DDX18: variants seen among roughly 807,000 people sequenced by gnomAD.
DDX18 encodes the protein ATP-dependent RNA helicase DDX18.
A neutral mutation model predicts 73.5 loss-of-function variants in DDX18; 23 were observed. That is an observed-to-expected ratio of 0.31 (90% CI 0.23 to 0.44). The LOEUF is 0.44. Among genes scored for constraint, DDX18 ranks in the 20% least tolerant of loss-of-function variants. The pLI is 1.00. For missense variants in DDX18, 753 were observed against 792.9 expected, an observed-to-expected ratio of 0.95 and a Z score of 0.60; for synonymous variants, 268 against 282.7, an observed-to-expected ratio of 0.95 and a Z score of 0.52.
rs763728238 is a variant in DDX18 at position 117,821,620 on chromosome 2, G to A, written c.651-30G>A. On this transcript the variant is annotated intron_variant, in intron 4 of 13. Coordinates refer to ENST00000263239, the MANE Select transcript of DDX18 (RefSeq NM_006773.4). ...TACGTCGTAAATGAGTAGGCTAAAT[G>A]TCTTTCTCCTTTCCCTTTTTAATAT... is the stretch of plus-strand genomic sequence containing the variant. 6 of 1,611,732 alleles carry A rather than the reference G, an allele frequency of 3.7e-6. No individual in the cohort carries two copies. In the South Asian group the frequency reaches 5.5e-5, roughly 15 times the overall value.
At chr2:117,829,242 TTTTG>T (rs1679981388) in intron 12 of DDX18, 43 bp from the exon 13 acceptor site, 2 of 1,536,224 alleles carry the variant, frequency 1.3e-6, no homozygotes, top group Non-Finnish European at 1.7e-6. Context: ...TTTTGGAGGT[TTTTG>T]TTTGTTTTTG....
intron 10 of DDX18, 105 bp downstream of exon 10, chr2:117,825,704 C>G (rs1679914829): frequency 7.4e-7 from 1 of 1,351,668 alleles, no homozygotes; most frequent in Admixed American, 2.0e-5. Context: ...AGGTAAAGAT[C>G]CCTACTATAC....
rs990814479 is a variant in DDX18, at chr2:117,817,367, T to C, written c.86-77T>C. ...AATTTGTGTCAGGAAGCCATGGAAGTTCTCATTTGGGATTTCAGTGTTTCT... is the reference window on the plus strand; with the variant it reads ...AATTTGTGTCAGGAAGCCATGGAAGCTCTCATTTGGGATTTCAGTGTTTCT... On this transcript the variant is annotated intron_variant, in intron 1 of 13. Transcript: ENST00000263239. 7.4e-6 allele frequency: 10 copies of C among 1,358,144 alleles called. No individual in the cohort carries two copies. In the African/African-American group the frequency reaches 1.2e-4, roughly 16 times the overall value. The allele number at this position is 1,358,144 out of a possible 1,614,324, so 84.1% of individuals were successfully genotyped here. A position where few individuals can be genotyped will look rare whatever the true frequency, so the allele number is the denominator to read the frequency against.
intron 5 of DDX18, 43 bp downstream of exon 5, chr2:117,821,793 G>A (rs950699328): frequency 6.2e-7 from 1 of 1,613,306 alleles, no homozygotes; most frequent in Admixed American, 1.7e-5. Context: ...TTCACTAGAG[G>A]TTTATTGTAG....
At chr2:117,824,117 C>T (rs1051527008) in intron 7 of DDX18, among the ~76,000 whole-genome samples, 1 of 152,142 alleles carries the variant, frequency 6.6e-6, no homozygotes, top group Non-Finnish European at 1.5e-5. Flanking sequence ...CTTGTCATGT[C>T]ATGTCAGGTT....
chr2:117,828,721 G>C (rs1679973882), intron 11 of DDX18: 2 of 510,466 alleles, frequency 3.9e-6, no homozygotes, highest in East Asian at 6.5e-5. Flanking sequence ...TTTACTGACT[G>C]TGTCCCTATC....
intron 11 of DDX18, chr2:117,827,333 C>A (rs1284142329): frequency 6.6e-6 from 1 of 152,110 alleles, no homozygotes; most frequent in African/African-American, 2.4e-5. Flanking sequence ...TTCTTTCTTT[C>A]TTTCTTTTTT....
intron 3 of DDX18, 71 bp from the exon 4 acceptor site, chr2:117,821,090 T>C (rs1679839269): frequency 1.4e-6 from 2 of 1,413,454 alleles, no homozygotes; most frequent in Non-Finnish European, 1.9e-6. Context: ...CAAAATAGAT[T>C]TAGGCAACTG....
At chr2:117,820,388 A>T (rs1679826910) in intron 3 of DDX18, among the ~76,000 whole-genome samples, 1 of 152,196 alleles carries the variant, frequency 6.6e-6, no homozygotes, top group Admixed American at 6.5e-5. Flanking sequence ...TAGCACTGAA[A>T]GTTCTGAATC....
Position 117,825,543 on chromosome 2 carries a change from C to G in DDX18, c.1465C>G (p.Leu489Val). Residue 489 changes from leucine to valine, a missense_variant, in exon 10 of 14, where the codon CTA becomes GTA. Physicochemically the swap from Leu to Val is conservative, Grantham distance 32 (BLOSUM62 1). Around this residue, in one of 3 missense-constraint regions of DDX18, gnomAD observed 402 missense variants for 419.4 expected, o/e 0.96. Coordinates refer to ENST00000263239, the MANE Select transcript of DDX18 (RefSeq NM_006773.4). ...GTGTACGGATGTGGCAGCGAGAGGA[C>G]TAGACATTCCTGAAGTCGACTGGAT... ...LLCTDVAARG[L>V]DIPEVDWIVQ... 1 of 1,614,178 alleles carries G rather than the reference C, an allele frequency of 6.2e-7. No homozygotes were observed. Among genetic ancestry groups the G allele is most frequent in the East Asian group, 2.2e-5 (1 of 44,886 alleles).
intron 13 of DDX18, 63 bp from the exon 14 acceptor site, chr2:117,830,519 G>A: frequency 6.3e-7 from 1 of 1,576,242 alleles, no homozygotes; most frequent in East Asian, 2.3e-5. Context: ...TTTTTTCTCT[G>A]TGTAGATGTT....
Position 117,826,394 on chromosome 2 carries a change from T to C in DDX18, c.1635+12T>C, listed in dbSNP as rs1403363567. The C allele has an allele frequency of 6.2e-7, 1 of 1,607,800 alleles. No individual in the cohort carries two copies. The highest frequency in any genetic ancestry group is 1.7e-5 in the Admixed American group (1 of 59,814). On this transcript the variant is annotated intron_variant, in intron 11 of 13. Coordinates refer to ENST00000263239, the MANE Select transcript of DDX18 (RefSeq NM_006773.4). ...TGAAACAATCCAAGGTAAAGATCTG[T>C]ACTTGGAGAAAGATTTCTCTTGGTG...
intron 1 of DDX18, among the ~76,000 whole-genome samples, chr2:117,815,517 C>T (rs1005409912): frequency 1.3e-5 from 2 of 152,140 alleles, no homozygotes; most frequent in African/African-American, 4.8e-5. Flanking sequence ...TTGTGTTAAC[C>T]TGTTGTCCAG....
chr2:117,821,214 A>T lies in DDX18; in HGVS notation c.568A>T (p.Thr190Ser). The T allele has an allele frequency of 6.2e-7, 1 of 1,610,534 alleles. No individual in the cohort carries two copies. Among genetic ancestry groups the T allele is most frequent in the Non-Finnish European group, 8.5e-7 (1 of 1,178,440 alleles). ...TCTATGTAATCTTGTCAATGAAAAC[A>T]CTCTGAAGGCAATAAAAGAAATGGG... The part of the protein sequence containing the change: ...ASLCNLVNEN[T>S]LKAIKEMGFT... The change falls in exon 4 of 14, where the codon ACT (threonine) becomes TCT (serine). Residue 190 changes from threonine (T) to serine (S), a missense_variant. Physicochemically the swap from Thr to Ser is moderately conservative, Grantham distance 58. Coordinates refer to ENST00000263239, the MANE Select transcript of DDX18 (RefSeq NM_006773.4).
At position 117,830,587 on chromosome 2, in the gene DDX18, A is replaced by C; in HGVS notation, c.1876A>C (p.Asn626His). The C allele has an allele frequency of 2.5e-6, 4 of 1,613,226 alleles. No individual in the cohort carries two copies. The highest frequency in any genetic ancestry group is 3.4e-6 in the Non-Finnish European group (4 of 1,179,686). Residue 626 changes from asparagine to histidine, a missense_variant, in exon 14 of 14, where the codon AAC becomes CAC. By Grantham distance (68) the Asn-to-His change is moderately conservative. Transcript: ENST00000263239. ...KVPPFVDLNV[N>H]SNEGKQKKRG... ...TCCTTAATGTTTGCCTCCAGACGTCAACAGTAATGAAGGCAAGCAGAAAAA... is the reference window on the plus strand; with the variant it reads ...TCCTTAATGTTTGCCTCCAGACGTCCACAGTAATGAAGGCAAGCAGAAAAA...
Position 117,821,889 on chromosome 2 carries a change from C to G in DDX18, c.779C>G (p.Thr260Ser), listed in dbSNP as rs746255650. 4.3e-6 allele frequency: 7 copies of G among 1,614,036 alleles called. No homozygotes were observed. The highest frequency in any genetic ancestry group is 4.2e-6 in the Non-Finnish European group (5 of 1,179,938). ...ACAGGAGTCCTTATTCTCTCACCTA[C>G]TAGAGAACTAGCCATGCAAACCTTT... ...NGTGVLILSP[T>S]RELAMQTFGV... The change falls in exon 6 of 14, where the codon ACT (threonine) becomes AGT (serine). Residue 260 changes from threonine (T) to serine (S), a missense_variant. Physicochemically the swap from Thr to Ser is moderately conservative, Grantham distance 58 (BLOSUM62 1). This residue lies in a region of DDX18 where 345 missense variants were observed against 352.0 expected (regional missense o/e 0.98). Transcript: ENST00000263239.
rs1264703010 is a variant in DDX18 at position 117,814,829 on chromosome 2, C to T, written c.52C>T (p.Leu18Phe). ...LLRKKIEKRN[L>F]KLRQRNLKFQ... ...GCGTAAGAAGATCGAGAAGCGGAAC[C>T]TCAAATTGCGGCAGCGGAACCTAAA... The change falls in exon 1 of 14, where the codon CTC becomes TTC. Residue 18 changes from leucine (L) to phenylalanine (F), a missense_variant. Transcript: ENST00000263239. 6.2e-7 allele frequency: 1 copy of T among 1,614,224 alleles called. No homozygotes were observed. The highest frequency in any genetic ancestry group is 8.5e-7 in the Non-Finnish European group (1 of 1,180,042).
At chr2:117,815,223 G>A in intron 1 of DDX18, 1 of 239,398 alleles carries the variant, frequency 4.2e-6, no homozygotes, top group Non-Finnish European at 8.3e-6. Flanking sequence ...TTCCGGTTAT[G>A]CTGCATGAAA....
intron 11 of DDX18, chr2:117,828,394 T>C (rs1395491952): frequency 6.6e-6 from 1 of 152,248 alleles, no homozygotes; most frequent in Non-Finnish European, 1.5e-5. Flanking sequence ...TCATTACTTA[T>C]CTTTCTCCCC....
Sources: allele counts gnomAD v4.1 joint callset (sites outside exome capture counted in the v4.1 genomes callset), GRCh38; gene constraint gnomAD v4.1.1; regional missense constraint gnomAD v4.1.1; transcripts MANE v1.5; gene names NCBI Gene and HGNC (gene_info 2026-07-23, HGNC 2026-07-21).